The following ZBTB20 variants were observed in gnomAD, a reference collection of about 807,000 sequenced individuals.
ZBTB20 encodes the protein zinc finger and BTB domain containing 20, also known as zinc finger and BTB domain-containing protein 20.
In ZBTB20, 9 loss-of-function variants were observed where a neutral mutation model predicts 56.9. The observed-to-expected ratio is 0.16, with a 90% confidence interval of 0.10 to 0.28. The LOEUF (loss-of-function observed/expected upper bound fraction) is 0.28. Ranked by LOEUF, ZBTB20 falls within the 10% of genes least tolerant of loss-of-function variation. ZBTB20 has a pLI of 1.00. For missense variants in ZBTB20, 655 were observed against 1,003.0 expected, an observed-to-expected ratio of 0.65 and a Z score of 4.69; for synonymous variants, 417 against 420.7, an observed-to-expected ratio of 0.99 and a Z score of 0.11.
chr3:114,345,396 A>AT (rs2080109015), intron 11 of ZBTB20, among the ~76,000 whole-genome samples: 1 of 152,174 alleles, frequency 6.6e-6, no homozygotes, highest in Non-Finnish European at 1.5e-5. Flanking sequence ...GAAGGGATAC[A>AT]TTTGCCATGT....
At chr3:114,901,870 T>C (rs1451079941) in intron 3 of ZBTB20, among the ~76,000 whole-genome samples, 1 of 152,148 alleles carries the variant, frequency 6.6e-6, no homozygotes, top group East Asian at 1.9e-4. Context: ...TATATCTGGA[T>C]AATAAGACTT....
At chr3:114,390,194 T>C (rs1324609023) in intron 7 of ZBTB20, among the ~76,000 whole-genome samples, 3 of 152,290 alleles carry the variant, frequency 2.0e-5, no homozygotes, top group East Asian at 3.9e-4. Flanking sequence ...CTGGCTTTTC[T>C]AGTACAAAAA....
rs575864949 is a variant in ZBTB20 at position 115,069,812 on chromosome 3, A to G, written c.-507+1407T>C. 4.4e-4 allele frequency among the ~76,000 whole-genome samples: 67 copies of G among 152,010 alleles called. No individual in the cohort carries two copies. The South Asian group carries it at 0.011, about 26-fold the overall frequency. On this transcript the variant is annotated intron_variant, in intron 2 of 11. Coordinates refer to ENST00000675478, the MANE Select transcript of ZBTB20 (RefSeq NM_001348800.3). Reference sequence around the variant, plus strand: ...TTTTAGTATGTTACTTGTACCAAGCATTGCTCTATGTACTATACATCTCAT... The same window carrying G: ...TTTTAGTATGTTACTTGTACCAAGCGTTGCTCTATGTACTATACATCTCAT...
chr3:114,926,138 C>G (rs1483733771), intron 3 of ZBTB20, among the ~76,000 whole-genome samples: 2 of 152,294 alleles, frequency 1.3e-5, no homozygotes, highest in African/African-American at 4.8e-5. Flanking sequence ...CATCCCCGTT[C>G]CTTCCCAGAG....
At chr3:114,484,723 T>C (rs891885459) in intron 7 of ZBTB20, among the ~76,000 whole-genome samples, 2 of 152,034 alleles carry the variant, frequency 1.3e-5, no homozygotes, top group African/African-American at 4.8e-5. Context: ...ATATTTTTGT[T>C]GGAATGCAGA....
At chr3:114,491,590 C>T (rs1358561669) in intron 7 of ZBTB20, among the ~76,000 whole-genome samples, 1 of 152,150 alleles carries the variant, frequency 6.6e-6, no homozygotes, top group Non-Finnish European at 1.5e-5. Context: ...CATCTCTCCA[C>T]TTGTACTCAG....
At chr3:114,494,557 T>C (rs2043076715) in intron 7 of ZBTB20, among the ~76,000 whole-genome samples, 1 of 152,222 alleles carries the variant, frequency 6.6e-6, no homozygotes, top group African/African-American at 2.4e-5. Flanking sequence ...AGTATCCCAT[T>C]GGTGGGAAAG....
intron 2 of ZBTB20, among the ~76,000 whole-genome samples, chr3:114,979,720 C>T (rs969074214): frequency 6.6e-6 from 1 of 151,970 alleles, no homozygotes; most frequent in Non-Finnish European, 1.5e-5. Flanking sequence ...ACAGTTCCAT[C>T]GTCAAGAAGA....
At chr3:114,743,676 A>T (rs551054468) in intron 5 of ZBTB20, 1 of 154,436 alleles carries the variant, frequency 6.5e-6, no homozygotes, top group South Asian at 2.0e-4. Flanking sequence ...ACTCTGAATC[A>T]GAAACTTGGT....
chr3:115,051,187 A>G (rs2081534594), intron 2 of ZBTB20, among the ~76,000 whole-genome samples: 1 of 152,096 alleles, frequency 6.6e-6, no homozygotes, highest in South Asian at 2.1e-4. Flanking sequence ...GTCCTACTAT[A>G]TTTTGGGTAG....
intron 4 of ZBTB20, among the ~76,000 whole-genome samples, chr3:114,893,903 A>G (rs2074745810): frequency 6.6e-6 from 1 of 152,194 alleles, no homozygotes; most frequent in South Asian, 2.1e-4. Flanking sequence ...CAGGAGCGCT[A>G]AAACACTAAG....
At chr3:114,854,818 C>T (rs1217017589) in intron 4 of ZBTB20, among the ~76,000 whole-genome samples, 2 of 152,168 alleles carry the variant, frequency 1.3e-5, no homozygotes, top group South Asian at 2.1e-4. Flanking sequence ...GGATACATTG[C>T]TGCACTCTGA....
At chr3:114,444,179 G>A (rs1167237235) in intron 7 of ZBTB20, among the ~76,000 whole-genome samples, 2 of 152,106 alleles carry the variant, frequency 1.3e-5, no homozygotes, top group African/African-American at 2.4e-5. Context: ...ATACCAATCT[G>A]TACAGGAATA....
chr3:114,645,139 T>C (rs1399403432), intron 6 of ZBTB20, among the ~76,000 whole-genome samples: 1 of 152,090 alleles, frequency 6.6e-6, no homozygotes, highest in Non-Finnish European at 1.5e-5. Flanking sequence ...GCCATCCATA[T>C]AAAAATAAAA....
intron 2 of ZBTB20, among the ~76,000 whole-genome samples, chr3:115,047,682 C>A (rs2108420950): frequency 6.6e-6 from 1 of 152,008 alleles, no homozygotes; most frequent in African/African-American, 2.4e-5. Flanking sequence ...ACATATTAAC[C>A]CGGACATATT....
In ZBTB20 at chr3:114,334,431, G is replaced by T. The variant is rs1047210028; in HGVS notation, c.*4574C>A. On this transcript the variant is annotated 3_prime_UTR_variant, in exon 12 of 12. Coordinates refer to ENST00000675478, the MANE Select transcript of ZBTB20 (RefSeq NM_001348800.3). ...TGAGAGAAAATATTGAGTTTTGGGC[G>T]CAGGCAGAGCACAGACAGGACAGCT... 1.3e-5 allele frequency: 2 copies of T among 152,150 alleles called. No individual in the cohort carries two copies. The highest frequency in any genetic ancestry group is 1.3e-4 in the Admixed American group (2 of 15,276). The allele number at this position is 152,150 out of a possible 1,614,324, so 9.4% of individuals were successfully genotyped here. A position where few individuals can be genotyped will look rare whatever the true frequency, so the allele number is the denominator to read the frequency against.
At chr3:114,493,495 T>G (rs2042960779) in intron 7 of ZBTB20, among the ~76,000 whole-genome samples, 1 of 152,216 alleles carries the variant, frequency 6.6e-6, no homozygotes, top group Non-Finnish European at 1.5e-5. Flanking sequence ...ATCCTTAACA[T>G]GGCCTACCAA....
chr3:115,117,470 T>C (rs1374212413), intron 1 of ZBTB20, among the ~76,000 whole-genome samples: 2 of 152,264 alleles, frequency 1.3e-5, no homozygotes, highest in Middle Eastern at 3.4e-3. Context: ...ATTTTCTGTA[T>C]AAAGCAGGGA....
chr3:114,551,748 T>C (rs1275241794), intron 6 of ZBTB20, among the ~76,000 whole-genome samples: 3 of 152,206 alleles, frequency 2.0e-5, no homozygotes, highest in Non-Finnish European at 4.4e-5. Flanking sequence ...GTATTTTCCT[T>C]GCCTATAAGA....
Sources: allele counts gnomAD v4.1 joint callset (sites outside exome capture counted in the v4.1 genomes callset), GRCh38; gene constraint gnomAD v4.1.1; transcripts MANE v1.5; gene names NCBI Gene and HGNC (gene_info 2026-07-23, HGNC 2026-07-21).